The following AGO3 variants were observed in gnomAD, a reference collection of about 807,000 sequenced individuals.
AGO3 encodes argonaute RISC catalytic component 3, also known as protein argonaute-3.
Under a neutral mutation model 105.5 loss-of-function variants are expected in AGO3, and 16 were observed. The observed-to-expected ratio is 0.15, with a 90% CI of 0.10 to 0.23. AGO3 has a LOEUF of 0.23. AGO3 is among the 10% of genes least tolerant of loss of function. The probability of loss-of-function intolerance (pLI) is 1.00; values close to 1 mark genes in which losing one functional copy is unlikely to be tolerated. For missense variants in AGO3, 534 were observed against 1,088.0 expected, an observed-to-expected ratio of 0.49 and a Z score of 7.16; for synonymous variants, 340 against 367.3, an observed-to-expected ratio of 0.93 and a Z score of 0.85.
chr1:35,952,305 G>C (rs1328525574), intron 2 of AGO3, among the ~76,000 whole-genome samples: 1 of 151,800 alleles, frequency 6.6e-6, no homozygotes, highest in African/African-American at 2.4e-5. Flanking sequence ...ACCATGCCTG[G>C]CTAATTTTTG....
At chr1:35,934,637 ATCT>A (rs1472670381) in intron 1 of AGO3, among the ~76,000 whole-genome samples, 2 of 152,048 alleles carry the variant, frequency 1.3e-5, no homozygotes, top group Admixed American at 6.6e-5. Flanking sequence ...ATTTAAAACA[ATCT>A]TCTTTTTATT....
At chr1:36,026,924 A>G (rs891340456) in intron 11 of AGO3, among the ~76,000 whole-genome samples, 190 bp from the exon 12 acceptor site, 3 of 152,212 alleles carry the variant, frequency 2.0e-5, no homozygotes, top group African/African-American at 7.2e-5. Flanking sequence ...ACTGTATAGA[A>G]TGTTCTTCAT....
intron 11 of AGO3, among the ~76,000 whole-genome samples, chr1:36,016,686 A>G (rs967821689): frequency 6.6e-6 from 1 of 152,130 alleles, no homozygotes; most frequent in African/African-American, 2.4e-5. Flanking sequence ...TAGCAGAACA[A>G]TGGGTTTTGT....
intron 2 of AGO3, among the ~76,000 whole-genome samples, chr1:35,946,388 C>T (rs1172293280): frequency 3.3e-5 from 5 of 152,062 alleles, no homozygotes; most frequent in African/African-American, 7.2e-5. Context: ...AGCTTCCTCT[C>T]GCCTCCCCCA....
intron 5 of AGO3, among the ~76,000 whole-genome samples, chr1:35,991,222 G>C (rs987689759): frequency 6.6e-6 from 1 of 152,086 alleles, no homozygotes; most frequent in Non-Finnish European, 1.5e-5. Flanking sequence ...GAGAACCCAG[G>C]AGGCAGAGGT....
At chr1:36,054,802 A>C in intron 17 of AGO3, 144 bp from the exon 18 acceptor site, 1 of 700,490 alleles carries the variant, frequency 1.4e-6, no homozygotes, top group Non-Finnish European at 2.4e-6. Flanking sequence ...GAATCTTTTG[A>C]GCCCCAGAGG....
intron 14 of AGO3, among the ~76,000 whole-genome samples, chr1:36,036,884 CG>C (rs1426695410): frequency 6.6e-6 from 1 of 151,774 alleles, no homozygotes; most frequent in Non-Finnish European, 1.5e-5. Context: ...TTAGTAGAGA[CG>C]GGGCTTCACC....
chr1:36,037,947 TA>T (rs1252580999), intron 14 of AGO3, among the ~76,000 whole-genome samples: 1 of 152,232 alleles, frequency 6.6e-6, no homozygotes, highest in East Asian at 1.9e-4. Context: ...TTCTACCAAA[TA>T]CCCACTTTCT....
chr1:36,015,597 T>C (rs537116535), intron 11 of AGO3, among the ~76,000 whole-genome samples: 5 of 152,306 alleles, frequency 3.3e-5, no homozygotes, highest in Admixed American at 1.3e-4. Flanking sequence ...ATCAGTATCA[T>C]ATAAAAAAGA....
chr1:36,006,199 T>A (rs1435421414), intron 6 of AGO3, among the ~76,000 whole-genome samples: 3 of 152,034 alleles, frequency 2.0e-5, no homozygotes, highest in African/African-American at 7.2e-5. Context: ...TTCTCTCCTG[T>A]ATCTATGGGT....
chr1:36,018,882 A>G (rs1360711859), intron 11 of AGO3, among the ~76,000 whole-genome samples: 1 of 151,948 alleles, frequency 6.6e-6, no homozygotes, highest in Non-Finnish European at 1.5e-5. Flanking sequence ...GTCTTGATCC[A>G]CAATCTTGGG....
At chr1:36,051,794 CAA>C (rs552977595) in intron 17 of AGO3, among the ~76,000 whole-genome samples, 3 of 152,178 alleles carry the variant, frequency 2.0e-5, no homozygotes, top group Admixed American at 6.5e-5. Flanking sequence ...GCAAATGTCT[CAA>C]GAGAGTAATT....
In AGO3 at chr1:35,989,768, A is replaced by G. The variant is rs558310269; in HGVS notation, c.659-14573A>G. The stretch of plus-strand genomic sequence containing the variant: ...CATGAGCTTGCAATCCCGGCCACTC[A>G]GGAGGTTGAGGTGGGAGAATCACTT... On this transcript the variant is annotated intron_variant, in intron 5 of 18. Transcript: ENST00000373191. 6.2e-4 allele frequency among the ~76,000 whole-genome samples: 95 copies of G among 152,084 alleles called. 1 individual carries two copies. The Middle Eastern group carries it at 0.01, about 16-fold the overall frequency.
intron 5 of AGO3, among the ~76,000 whole-genome samples, chr1:35,991,873 C>T (rs1211158062): frequency 6.6e-6 from 1 of 152,002 alleles, no homozygotes; most frequent in African/African-American, 2.4e-5. Context: ...GTTTTGATCT[C>T]TGTCTTCCAT....
rs968443178 is a variant in AGO3, at chr1:36,063,045, A to T, written c.*7300A>T. 6 of 152,158 alleles carry T rather than the reference A, an allele frequency of 3.9e-5. No homozygotes were observed. The highest frequency in any genetic ancestry group is 1.4e-4 in the African/African-American group (6 of 41,436). 9.4% of individuals were successfully genotyped at this position (152,158 alleles called of 1,614,324 possible). Reference sequence around the variant, plus strand: ...TTTATAGATATTTCTAGCTTTCCTCATTCTTTGTAATAGCAGCAAAGATTA... The same window carrying T: ...TTTATAGATATTTCTAGCTTTCCTCTTTCTTTGTAATAGCAGCAAAGATTA... On this transcript the variant is annotated 3_prime_UTR_variant, in exon 19 of 19. Transcript: ENST00000373191.
intron 2 of AGO3, among the ~76,000 whole-genome samples, chr1:35,956,547 A>G (rs76437982): frequency 0.056 from 8,522 of 152,266 alleles, 769 homozygotes; most frequent in African/African-American, 0.19. Flanking sequence ...TACCAGTGAA[A>G]ACACACAGGG....
chr1:35,945,870 A>G lies in AGO3; in HGVS notation c.191+7A>G, dbSNP rs1273217986. The G allele has an allele frequency of 1.2e-6, 2 of 1,603,686 alleles. No homozygotes were observed. Among genetic ancestry groups the G allele is most frequent in the Non-Finnish European group, 1.7e-6 (2 of 1,174,346 alleles). On this transcript the variant is annotated splice_region_variant and intron_variant, in intron 2 of 18. Coordinates refer to ENST00000373191, the MANE Select transcript of AGO3 (RefSeq NM_024852.4). Reference sequence around the variant, plus strand: ...GTCCTAGGAGAGTGAACAGGTAAGAATCATGAAACTGCAAAGATCTTTTGC... The same window carrying G: ...GTCCTAGGAGAGTGAACAGGTAAGAGTCATGAAACTGCAAAGATCTTTTGC...
At chr1:35,981,171 AT>A (rs1647046335) in intron 5 of AGO3, among the ~76,000 whole-genome samples, 1 of 151,986 alleles carries the variant, frequency 6.6e-6, no homozygotes, top group African/African-American at 2.4e-5. Flanking sequence ...TTGTGATGAT[AT>A]TGTCTGTTGA....
rs1642992531 is a variant in AGO3 at position 36,059,057 on chromosome 1, A to G, written c.*3312A>G. 2 of 152,158 alleles carry G rather than the reference A, an allele frequency of 1.3e-5. No homozygotes were observed. The highest frequency in any genetic ancestry group is 1.3e-4 in the Admixed American group (2 of 15,274). The allele number at this position is 152,158 out of a possible 1,614,324, so 9.4% of individuals were successfully genotyped here. On this transcript the variant is annotated 3_prime_UTR_variant, in exon 19 of 19. Coordinates refer to ENST00000373191, the MANE Select transcript of AGO3 (RefSeq NM_024852.4). ...TCTCACCTAATTTTCAGTCACTCAT[A>G]TATGCTAGAGTGGAGCCCTTAATTT... is the stretch of plus-strand genomic sequence containing the variant.
Sources: gnomAD v4.1 joint callset for allele counts (sites outside exome capture counted in the v4.1 genomes callset) on GRCh38, gnomAD v4.1.1 for gene constraint, MANE v1.5 for transcripts, NCBI Gene and HGNC (gene_info 2026-07-23, HGNC 2026-07-21) for gene names.